The following TMEM45B variants were observed in gnomAD, a reference collection of about 807,000 sequenced individuals.
TMEM45B encodes transmembrane protein 45B.
Under a neutral mutation model 27.3 loss-of-function variants are expected in TMEM45B, and 29 were observed. The observed-to-expected ratio is 1.06, with a 90% confidence interval of 0.79 to 1.45. The LOEUF (loss-of-function observed/expected upper bound fraction) is 1.45, where lower values mean the gene tolerates loss of function less well. Ranked by LOEUF, TMEM45B falls within the 40% of genes most tolerant of loss-of-function variation. TMEM45B has a pLI of 0.00. For missense variants in TMEM45B, 348 were observed against 343.9 expected, an observed-to-expected ratio of 1.01 and a Z score of -0.09; for synonymous variants, 143 against 134.7, an observed-to-expected ratio of 1.06 and a Z score of -0.43.
chr11:129,835,497 A>G (rs1947609351), intron 1 of TMEM45B, among the ~76,000 whole-genome samples: 1 of 152,192 alleles, frequency 6.6e-6, no homozygotes, highest in Non-Finnish European at 1.5e-5. Context: ...ATGAAGGAAG[A>G]TTGTCAGATT....
intron 1 of TMEM45B, among the ~76,000 whole-genome samples, chr11:129,838,508 TCTTG>T (rs1334406017): frequency 1.3e-5 from 2 of 152,212 alleles, no homozygotes; most frequent in African/African-American, 4.8e-5. Flanking sequence ...TTGTCGCTCT[TCTTG>T]CTTGTCTCAG....
At chr11:129,845,253 CTTATT>C (rs1195947279) in intron 1 of TMEM45B, among the ~76,000 whole-genome samples, 2 of 133,862 alleles carry the variant, frequency 1.5e-5, no homozygotes, top group African/African-American at 5.6e-5. Flanking sequence ...ATATTAATGG[CTTATT>C]TTGTGTGTGT....
At chr11:129,855,191 C>T (rs1483837522) in intron 3 of TMEM45B, among the ~76,000 whole-genome samples, 2 of 152,174 alleles carry the variant, frequency 1.3e-5, no homozygotes, top group Non-Finnish European at 2.9e-5. Flanking sequence ...GGTTGAATGC[C>T]ACCATGCAGG....
In TMEM45B at chr11:129,857,307, C is replaced by A; in HGVS notation, c.571-6C>A. On this transcript the variant is annotated splice_polypyrimidine_tract_variant and splice_region_variant and intron_variant, in intron 4 of 5. Transcript: ENST00000281441. The stretch of plus-strand genomic sequence containing the variant: ...ACAAGACCAACTTCTCTCTGTAATC[C>A]CCTAGATTGGGTTTGTGCTGTTCCC... The A allele has an allele frequency of 6.2e-7, 1 of 1,613,902 alleles. No homozygotes were observed. The highest frequency in any genetic ancestry group is 8.5e-7 in the Non-Finnish European group (1 of 1,179,850).
intron 1 of TMEM45B, among the ~76,000 whole-genome samples, chr11:129,818,235 A>G (rs569417713): frequency 3.9e-5 from 6 of 152,332 alleles, no homozygotes; most frequent in East Asian, 1.9e-4. Flanking sequence ...TCTCTTTTCT[A>G]TTCTCTTGTG....
intron 1 of TMEM45B, among the ~76,000 whole-genome samples, chr11:129,840,822 G>C (rs750061085): frequency 2.6e-5 from 4 of 151,784 alleles, no homozygotes; most frequent in Non-Finnish European, 5.9e-5. Flanking sequence ...AGGTTGCAGT[G>C]AGCCAAGATT....
chr11:129,843,876 A>T (rs1947726693), intron 1 of TMEM45B, among the ~76,000 whole-genome samples: 1 of 152,214 alleles, frequency 6.6e-6, no homozygotes, highest in South Asian at 2.1e-4. Flanking sequence ...TATTATGGAA[A>T]ACAGTGTGGA....
At chr11:129,845,396 A>G (rs1947748162) in intron 1 of TMEM45B, among the ~76,000 whole-genome samples, 1 of 151,164 alleles carries the variant, frequency 6.6e-6, no homozygotes, top group Admixed American at 6.6e-5. Context: ...TAGGAAATAG[A>G]GCTATTATAT....
intron 1 of TMEM45B, among the ~76,000 whole-genome samples, chr11:129,835,037 C>T (rs995545897): frequency 2.0e-5 from 3 of 152,074 alleles, no homozygotes; most frequent in Non-Finnish European, 2.9e-5. Flanking sequence ...GAAAGCAGAA[C>T]TTATAAATGA....
In TMEM45B at chr11:129,852,539, G is replaced by T. The variant is rs1947862151; in HGVS notation, c.57G>T (p.Leu19=). 6.2e-7 allele frequency: 1 copy of T among 1,613,690 alleles called. No individual in the cohort carries two copies. Among genetic ancestry groups the T allele is most frequent in the African/African-American group, 1.3e-5 (1 of 74,996 alleles). Residue 19 remains leucine (L), a synonymous_variant, in exon 2 of 6, where the codon CTG becomes CTT. Coordinates refer to ENST00000281441, the MANE Select transcript of TMEM45B (RefSeq NM_138788.5). ...LPGSFFLIIG[L]CWSVKYPLKY... is the part of the protein sequence containing the mutation. ...GGAGTTTCTTCCTGATCATTGGGCTGTGTTGGTCAGTGAAGTACCCGCTGA... is the reference window on the plus strand; with the variant it reads ...GGAGTTTCTTCCTGATCATTGGGCTTTGTTGGTCAGTGAAGTACCCGCTGA...
chr11:129,854,653 C>T lies in TMEM45B; in HGVS notation c.222C>T (p.His74=), dbSNP rs755130745. 1 of 1,614,210 alleles carries T rather than the reference C, an allele frequency of 6.2e-7. No homozygotes were observed. The highest frequency in any genetic ancestry group is 8.5e-7 in the Non-Finnish European group (1 of 1,180,042). The change falls in exon 3 of 6, where the codon CAC becomes CAT. Residue 74 remains histidine, a synonymous_variant. Transcript: ENST00000281441. The stretch of plus-strand genomic sequence containing the variant: ...TTGTTCCGGATGGGCCCCACCTGCA[C>T]CTCTACCATGAGAACCACTGGATAA... ...EQFVPDGPHL[H]LYHENHWIKL...
chr11:129,834,191 G>T (rs1462187725), intron 1 of TMEM45B, among the ~76,000 whole-genome samples: 1 of 152,224 alleles, frequency 6.6e-6, no homozygotes, highest in Non-Finnish European at 1.5e-5. Flanking sequence ...AGCACTTTGG[G>T]AGGCTGAGGC....
At chr11:129,842,372 T>C (rs1490918401) in intron 1 of TMEM45B, among the ~76,000 whole-genome samples, 1 of 152,182 alleles carries the variant, frequency 6.6e-6, no homozygotes, top group South Asian at 2.1e-4. Context: ...GCCAGAAGCA[T>C]CACACTTCCT....
chr11:129,821,874 A>G (rs1947423804), intron 1 of TMEM45B, among the ~76,000 whole-genome samples: 1 of 152,026 alleles, frequency 6.6e-6, no homozygotes, highest in South Asian at 2.1e-4. Flanking sequence ...GGTGGGGGGA[A>G]TACAGGGAGG....
intron 1 of TMEM45B, among the ~76,000 whole-genome samples, chr11:129,817,420 G>T (rs1176865808): frequency 1.3e-5 from 2 of 152,194 alleles, no homozygotes; most frequent in African/African-American, 4.8e-5. Flanking sequence ...TCTGGGAAAA[G>T]ATATGGAACT....
chr11:129,858,770 C>A lies in TMEM45B; in HGVS notation c.*85C>A, dbSNP rs1327199683. 4 of 1,021,914 alleles carry A rather than the reference C, an allele frequency of 3.9e-6. No individual in the cohort carries two copies. The African/African-American group carries it at 4.8e-5, about 12-fold the overall frequency. 63.3% of individuals were successfully genotyped at this position (1,021,914 alleles called of 1,614,324 possible). ...CCTCCACCTGAATGCCTGCTGTGGTCTGATCTTAAGGGTCTATATATTTGC... is the reference window on the plus strand; with the variant it reads ...CCTCCACCTGAATGCCTGCTGTGGTATGATCTTAAGGGTCTATATATTTGC... On this transcript the variant is annotated 3_prime_UTR_variant, in exon 6 of 6. Transcript: ENST00000281441.
At chr11:129,838,626 C>G (rs1947653469) in intron 1 of TMEM45B, among the ~76,000 whole-genome samples, 1 of 152,038 alleles carries the variant, frequency 6.6e-6, no homozygotes, top group South Asian at 2.1e-4. Context: ...ATAATTTATT[C>G]AGTCAAACAC....
chr11:129,835,856 G>A (rs551277307), intron 1 of TMEM45B, among the ~76,000 whole-genome samples: 64 of 152,320 alleles, frequency 4.2e-4, no homozygotes, highest in African/African-American at 1.3e-3. Flanking sequence ...AGTGGCTCAC[G>A]CCTGTAATCC....
chr11:129,850,784 C>A (rs139801670), intron 1 of TMEM45B, among the ~76,000 whole-genome samples: 2 of 152,290 alleles, frequency 1.3e-5, no homozygotes, highest in East Asian at 3.9e-4. Context: ...GCTCATATCC[C>A]ACATCTACAG....
Sources: gnomAD v4.1 joint callset for allele counts (sites outside exome capture counted in the v4.1 genomes callset) on GRCh38, gnomAD v4.1.1 for gene constraint, MANE v1.5 for transcripts, NCBI Gene and HGNC (gene_info 2026-07-23, HGNC 2026-07-21) for gene names.